Variants in SIMC1 observed in about 807,000 individuals in gnomAD.
SIMC1 encodes SUMO interacting motifs containing 1.
A neutral mutation model predicts 82.3 loss-of-function variants in SIMC1; 55 were observed. The observed-to-expected ratio is 0.67, with a 90% confidence interval of 0.54 to 0.84. The LOEUF (loss-of-function observed/expected upper bound fraction) is 0.84, where lower values mean the gene tolerates loss of function less well. Among genes scored for constraint, SIMC1 ranks in the 40% least tolerant of loss-of-function variants. The pLI is 0.00. For synonymous variants in SIMC1, 353 were observed against 426.3 expected (o/e 0.83, Z 2.12); for missense variants, 915 against 1,107.2 (o/e 0.83, Z 2.46).
At chr5:176,287,705 A>T (rs903865343) in intron 1 of SIMC1, among the ~76,000 whole-genome samples, 2 of 151,768 alleles carry the variant, frequency 1.3e-5, no homozygotes, top group Non-Finnish European at 2.9e-5. Context: ...AATTGAAAGA[A>T]TAAAAAAAGA....
At chr5:176,342,078 A>T (rs966669098) in intron 9 of SIMC1, among the ~76,000 whole-genome samples, 1 of 152,182 alleles carries the variant, frequency 6.6e-6, no homozygotes, top group African/African-American at 2.4e-5. Flanking sequence ...TAAACTCCAC[A>T]TTCTTCTTGC....
chr5:176,322,845 G>A (rs1312267277), intron 6 of SIMC1: 3 of 156,004 alleles, frequency 1.9e-5, no homozygotes, highest in Non-Finnish European at 4.3e-5. Flanking sequence ...CAGGTCCCGG[G>A]AGAAAAATAG....
chr5:176,299,547 A>T (rs1251136352), intron 4 of SIMC1, among the ~76,000 whole-genome samples: 1 of 152,240 alleles, frequency 6.6e-6, no homozygotes, highest in Admixed American at 6.5e-5. Context: ...AAAGAAGGAC[A>T]TTATATAATA....
intron 9 of SIMC1, 145 bp downstream of exon 9, chr5:176,337,291 C>G (rs543037311): frequency 4.3e-6 from 3 of 699,738 alleles, no homozygotes; most frequent in South Asian, 3.9e-5. Context: ...ATGACATAGC[C>G]GGAGTCACCA....
At position 176,345,194 on chromosome 5, in the gene SIMC1, A is replaced by G. The variant is rs1156767157; in HGVS notation, c.2425A>G (p.Ser809Gly). Reference sequence around the variant, plus strand: ...TTTCCCTCTTGCAGAACACTTAAGGAGTTCCGTGATCGACCGAAAGGACTT... The same window carrying G: ...TTTCCCTCTTGCAGAACACTTAAGGGGTTCCGTGATCGACCGAAAGGACTT... ...YQHVLREHLR[S>G]SVIDRKDLII... is the part of the protein sequence containing the mutation. Residue 809 changes from serine (S) to glycine (G), a missense_variant, in exon 10 of 10, where the codon AGT (serine) becomes GGT (glycine). Ser to Gly is a moderately conservative substitution (Grantham distance 56). This residue lies in a region of SIMC1 where 902 missense variants were observed against 1,040.3 expected (regional missense o/e 0.87). Transcript: ENST00000429602. 5 of 1,613,870 alleles carry G rather than the reference A, an allele frequency of 3.1e-6. No homozygotes were observed. The highest frequency in any genetic ancestry group is 3.4e-6 in the Non-Finnish European group (4 of 1,179,812).
At chr5:176,268,910 T>C (rs2650264) in intron 1 of SIMC1, among the ~76,000 whole-genome samples, 4 of 152,022 alleles carry the variant, frequency 2.6e-5, no homozygotes, top group Non-Finnish European at 5.9e-5. Flanking sequence ...CAGGGTAGGC[T>C]GTGTGTTAGG....
At chr5:176,263,634 C>T in intron 1 of SIMC1, 1 of 1,179,168 alleles carries the variant, frequency 8.5e-7, no homozygotes, top group Non-Finnish European at 1.1e-6. Context: ...CCCCATGATT[C>T]CACCAGGTCC....
intron 7 of SIMC1, among the ~76,000 whole-genome samples, chr5:176,329,624 T>G (rs893949148): frequency 1.3e-5 from 2 of 152,128 alleles, no homozygotes; most frequent in African/African-American, 4.8e-5. Context: ...TCTGACTGTG[T>G]CAAAGTAACT....
intron 4 of SIMC1, chr5:176,308,448 G>A (rs1388743073): frequency 1.7e-5 from 27 of 1,608,150 alleles, no homozygotes; most frequent in Non-Finnish European, 2.1e-5. Flanking sequence ...TCATATAACT[G>A]TTTGGCCTTC....
intron 2 of SIMC1, among the ~76,000 whole-genome samples, chr5:176,293,426 C>T (rs1763667199): frequency 6.6e-6 from 1 of 151,328 alleles, no homozygotes; most frequent in Non-Finnish European, 1.5e-5. Flanking sequence ...CACAGCGAGA[C>T]CCCATCTCAA....
chr5:176,318,759 C>T (rs983485668), intron 5 of SIMC1, among the ~76,000 whole-genome samples: 4 of 152,192 alleles, frequency 2.6e-5, no homozygotes, highest in African/African-American at 7.2e-5. Flanking sequence ...AACTTTTCTA[C>T]AGAACATCAG....
rs763993420 is a variant in SIMC1, at chr5:176,324,768, AT to A, written c.2171+15del. On this transcript the variant is annotated intron_variant, in intron 7 of 9. Transcript: ENST00000429602. ...TGAGAGGAGCCAGAGGTGAGTCTTG[AT>A]TTTGTTGGGGAGAGCAGTTATTTAA... 1 of 1,577,140 alleles carries A rather than the reference AT, an allele frequency of 6.3e-7. No homozygotes were observed. Among genetic ancestry groups the A allele is most frequent in the Non-Finnish European group, 8.6e-7 (1 of 1,161,918 alleles).
In SIMC1 at chr5:176,252,160, G is replaced by A. The variant is rs1214074756; in HGVS notation, c.129+13523G>A. Reference sequence around the variant, plus strand: ...TCCTCACTTCCCAGTAGGGACGGCCGGGCAGAGGCGCCCCTCACCTCCCGG... The same window carrying A: ...TCCTCACTTCCCAGTAGGGACGGCCAGGCAGAGGCGCCCCTCACCTCCCGG... On this transcript the variant is annotated intron_variant, in intron 1 of 9. Transcript: ENST00000429602. Among the ~76,000 whole-genome samples, 26 of 152,050 alleles carry A rather than the reference G, an allele frequency of 1.7e-4. 1 individual carries two copies. The Middle Eastern group carries it at 0.014, about 80-fold the overall frequency.
chr5:176,300,221 C>T (rs1763984074), intron 4 of SIMC1, among the ~76,000 whole-genome samples: 1 of 151,998 alleles, frequency 6.6e-6, no homozygotes, highest in African/African-American at 2.4e-5. Context: ...AGAAACTGAA[C>T]CCAAAGTTAG....
rs770658102 is a variant in SIMC1 at position 176,336,857 on chromosome 5, C to T, written c.2309C>T (p.Thr770Met). The change falls in exon 8 of 10, where the codon ACG becomes ATG. Residue 770 changes from threonine to methionine, a missense_variant. This residue lies in a region of SIMC1 where 902 missense variants were observed against 1,040.3 expected (regional missense o/e 0.87). Coordinates refer to ENST00000429602, the MANE Select transcript of SIMC1 (RefSeq NM_001308195.2). ...GCCCTCTACTTTCTGAATAATTCTA[C>T]GTCACTGCTCAAGTGTCAGGTACAT... ...AQALYFLNNS[T>M]SLLKCQSDKS... 30 of 1,613,898 alleles carry T rather than the reference C, an allele frequency of 1.9e-5. No homozygotes were observed. The South Asian group carries it at 2.4e-4, about 13-fold the overall frequency.
chr5:176,299,020 A>G (rs1227218194), intron 4 of SIMC1, among the ~76,000 whole-genome samples: 3 of 152,264 alleles, frequency 2.0e-5, no homozygotes, highest in African/African-American at 4.8e-5. Flanking sequence ...ATTAAAAGAC[A>G]GAGATTAGCT....
At chr5:176,269,926 A>AC (rs1396351519) in intron 1 of SIMC1, among the ~76,000 whole-genome samples, 20 of 145,742 alleles carry the variant, frequency 1.4e-4, no homozygotes, top group Non-Finnish European at 2.7e-4. Context: ...ATTTTATTTT[A>AC]TTTTTTTTTT....
chr5:176,261,839 C>T (rs992066196), intron 1 of SIMC1, among the ~76,000 whole-genome samples: 20 of 151,998 alleles, frequency 1.3e-4, no homozygotes, highest in African/African-American at 4.8e-4. Context: ...TATTAGTAAC[C>T]TTCCAAAACA....
intron 4 of SIMC1, chr5:176,296,537 T>G (rs1247161664): frequency 1.8e-6 from 1 of 543,936 alleles, no homozygotes; most frequent in African/African-American, 1.9e-5. Context: ...GGCATAGTGA[T>G]GCATGCCTGT....
Sources: gnomAD v4.1 joint callset for allele counts (sites outside exome capture counted in the v4.1 genomes callset) on GRCh38, gnomAD v4.1.1 for gene constraint, gnomAD v4.1.1 regional missense constraint, MANE v1.5 for transcripts, NCBI Gene and HGNC (gene_info 2026-07-23, HGNC 2026-07-21) for gene names.